The following CCSER1 variants were observed in gnomAD, a reference collection of about 807,000 sequenced individuals.
The protein encoded by CCSER1 is serine-rich coiled-coil domain-containing protein 1.
CCSER1 carries 41 observed loss-of-function variants against 82.0 expected under a neutral mutation model. That is an observed-to-expected ratio of 0.50 (90% confidence interval 0.39 to 0.65). The LOEUF is 0.65. Among genes scored for constraint, CCSER1 ranks in the 30% least tolerant of loss-of-function variants. The pLI, the probability that CCSER1 is intolerant of heterozygous loss-of-function variation, is 0.00. For missense variants in CCSER1, 1,119 were observed against 1,064.2 expected (o/e 1.05, Z -0.72); for synonymous variants, 414 against 383.9 (o/e 1.08, Z -0.92).
chr4:91,357,288 A>G (rs574532245), intron 10 of CCSER1, among the ~76,000 whole-genome samples: 1 of 152,320 alleles, frequency 6.6e-6, no homozygotes, highest in South Asian at 2.1e-4. Context: ...ACTTAATTTT[A>G]ATAAAGCCTT....
At chr4:91,411,715 T>A (rs1182496893) in intron 10 of CCSER1, among the ~76,000 whole-genome samples, 1 of 142,152 alleles carries the variant, frequency 7.0e-6, no homozygotes, top group Non-Finnish European at 1.5e-5. Context: ...TTTTTTTTTT[T>A]TCATCCCACT....
chr4:91,412,531 G>A (rs1753117620), intron 10 of CCSER1, among the ~76,000 whole-genome samples: 1 of 151,982 alleles, frequency 6.6e-6, no homozygotes, highest in Admixed American at 6.6e-5. Flanking sequence ...GCTACTGACT[G>A]AGGTCCTTAT....
At chr4:90,504,397 T>C (rs1770386893) in intron 5 of CCSER1, among the ~76,000 whole-genome samples, 1 of 152,178 alleles carries the variant, frequency 6.6e-6, no homozygotes, top group Non-Finnish European at 1.5e-5. Context: ...TCCAATAGCT[T>C]TTATCTTAGG....
chr4:90,782,728 C>A (rs1753964023), intron 7 of CCSER1, among the ~76,000 whole-genome samples: 1 of 145,936 alleles, frequency 6.9e-6, no homozygotes, highest in Non-Finnish European at 1.5e-5. Context: ...GTCGCCCGGG[C>A]TGGAGTGCAG....
At chr4:90,215,996 C>A (rs1031541151) in intron 1 of CCSER1, among the ~76,000 whole-genome samples, 7 of 151,992 alleles carry the variant, frequency 4.6e-5, no homozygotes, top group African/African-American at 1.7e-4. Flanking sequence ...CTAATGAATT[C>A]CGCTCACCAA....
chr4:91,563,486 T>C (rs1400677568), intron 10 of CCSER1, among the ~76,000 whole-genome samples: 1 of 151,704 alleles, frequency 6.6e-6, no homozygotes, highest in East Asian at 1.9e-4. Flanking sequence ...CCTTTCATGA[T>C]CAAAACTCTC....
At chr4:90,850,565 A>G (rs552574856) in intron 8 of CCSER1, among the ~76,000 whole-genome samples, 12 of 152,352 alleles carry the variant, frequency 7.9e-5, no homozygotes, top group Admixed American at 2.0e-4. Flanking sequence ...TGGAACTTTA[A>G]GGTTTAATGA....
intron 10 of CCSER1, among the ~76,000 whole-genome samples, chr4:91,108,595 TA>T (rs1211676807): frequency 1.3e-5 from 2 of 152,226 alleles, no homozygotes; most frequent in African/African-American, 4.8e-5. Context: ...GTATAGTACT[TA>T]AAAAATTTAA....
Position 90,391,481 on chromosome 4 carries a change from T to C in CCSER1, c.1510-8555T>C, listed in dbSNP as rs1416699470. Among the ~76,000 whole-genome samples the C allele has an allele frequency of 4.6e-3, 406 of 87,412 alleles. 6 individuals are homozygous for C. Among genetic ancestry groups the C allele is most frequent in the South Asian group, 0.013 (40 of 3,110 alleles). The allele number at this position is 87,412 out of a possible 152,430, so 57.3% of individuals were successfully genotyped here. ...ATATATATATATATATATATATATA[T>C]ATATACACACACACAGTGGGTAAAT... On this transcript the variant is annotated intron_variant, in intron 3 of 10. Transcript: ENST00000509176.
intron 1 of CCSER1, among the ~76,000 whole-genome samples, chr4:90,162,021 G>A (rs1729549640): frequency 6.6e-6 from 1 of 152,004 alleles, no homozygotes; most frequent in Admixed American, 6.6e-5. Flanking sequence ...TATTCTTCTG[G>A]CTCAGAAAGT....
At chr4:91,174,452 A>G (rs1335811523) in intron 10 of CCSER1, among the ~76,000 whole-genome samples, 2 of 152,092 alleles carry the variant, frequency 1.3e-5, no homozygotes, top group East Asian at 3.9e-4. Context: ...ATAAATTTTA[A>G]TTTTTATTTT....
At chr4:90,872,264 A>T (rs536743489) in intron 8 of CCSER1, among the ~76,000 whole-genome samples, 2 of 150,506 alleles carry the variant, frequency 1.3e-5, no homozygotes, top group African/African-American at 4.9e-5. Flanking sequence ...CCTTCCTTTT[A>T]TCCTTCTTCC....
intron 10 of CCSER1, among the ~76,000 whole-genome samples, chr4:91,519,548 G>A (rs1760337094): frequency 6.6e-6 from 1 of 152,246 alleles, no homozygotes; most frequent in Non-Finnish European, 1.5e-5. Context: ...GCAGCCATGT[G>A]TGCCTGAGCA....
intron 10 of CCSER1, among the ~76,000 whole-genome samples, chr4:91,338,579 C>T (rs1377103458): frequency 6.6e-6 from 1 of 152,086 alleles, no homozygotes; most frequent in Non-Finnish European, 1.5e-5. Flanking sequence ...GAAGAAAGCA[C>T]AGATTTTTAA....
chr4:91,530,476 T>C (rs1024989985), intron 10 of CCSER1, among the ~76,000 whole-genome samples: 10 of 152,194 alleles, frequency 6.6e-5, no homozygotes, highest in African/African-American at 2.4e-4. Flanking sequence ...GGACCAATTG[T>C]ATGTTTCATG....
intron 9 of CCSER1, among the ~76,000 whole-genome samples, chr4:91,047,892 T>G (rs1171986679): frequency 6.6e-6 from 1 of 152,150 alleles, no homozygotes; most frequent in Non-Finnish European, 1.5e-5. Flanking sequence ...GATTTTTTCT[T>G]TTCAATTAAT....
chr4:91,144,350 T>C (rs1228627393), intron 10 of CCSER1, among the ~76,000 whole-genome samples: 1 of 152,026 alleles, frequency 6.6e-6, no homozygotes, highest in Non-Finnish European at 1.5e-5. Flanking sequence ...GGATCTCTCT[T>C]TTTTTCTCTG....
intron 10 of CCSER1, among the ~76,000 whole-genome samples, chr4:91,412,902 A>G (rs1342925885): frequency 6.6e-6 from 1 of 152,132 alleles, no homozygotes; most frequent in Non-Finnish European, 1.5e-5. Flanking sequence ...TTGCCTAAAA[A>G]TAATTCAAAA....
intron 3 of CCSER1, among the ~76,000 whole-genome samples, chr4:90,336,658 T>A (rs993376411): frequency 1.3e-5 from 2 of 152,206 alleles, no homozygotes; most frequent in African/African-American, 4.8e-5. Context: ...CCTAGATTTG[T>A]GTCTTTGAGT....
Sources: allele counts gnomAD v4.1 joint callset (sites outside exome capture counted in the v4.1 genomes callset), GRCh38; gene constraint gnomAD v4.1.1; transcripts MANE v1.5; gene names NCBI Gene and HGNC (gene_info 2026-07-23, HGNC 2026-07-21).